The following CHCHD6 variants were observed in gnomAD, a reference collection of about 807,000 sequenced individuals.
CHCHD6 encodes coiled-coil-helix-coiled-coil-helix domain containing 6.
In CHCHD6, 28 loss-of-function variants were observed where a neutral mutation model predicts 32.3. That is an observed-to-expected ratio of 0.87 (90% confidence interval 0.64 to 1.19). CHCHD6 has a LOEUF of 1.19. Ranked by LOEUF, CHCHD6 falls within the 50% of genes most tolerant of loss-of-function variation. The pLI is 0.00. For missense variants in CHCHD6, 333 were observed against 307.0 expected (o/e 1.08, Z -0.63); for synonymous variants, 122 against 117.5 (o/e 1.04, Z -0.25).
intron 1 of CHCHD6, among the ~76,000 whole-genome samples, chr3:126,705,081 G>C (rs1461612398): frequency 6.6e-6 from 1 of 152,170 alleles, no homozygotes; most frequent in East Asian, 1.9e-4. Flanking sequence ...GCTCAGCTCA[G>C]GGTCTGTGCG....
chr3:126,788,174 C>G (rs1938323711), intron 4 of CHCHD6, among the ~76,000 whole-genome samples: 1 of 152,162 alleles, frequency 6.6e-6, no homozygotes, highest in Non-Finnish European at 1.5e-5. Flanking sequence ...AGGGATGAAG[C>G]CCACTTGATC....
intron 4 of CHCHD6, among the ~76,000 whole-genome samples, chr3:126,848,802 A>G (rs182336598): frequency 2.0e-5 from 3 of 152,316 alleles, no homozygotes; most frequent in Middle Eastern, 6.8e-3. Context: ...CCTTTGTCAT[A>G]TTGTCCTATA....
At position 126,729,824 on chromosome 3, in the gene CHCHD6, G is replaced by T. The variant is rs143161869; in HGVS notation, c.197-737G>T. On this transcript the variant is annotated intron_variant, in intron 2 of 7. Transcript: ENST00000290913. ...TGGCTGCTGGTGCATAGAACCCTGT[G>T]GTGGAGGGAGGTGTGGGACATCGGA... Among the ~76,000 whole-genome samples, 566 of 152,286 alleles carry T rather than the reference G, an allele frequency of 3.7e-3. 7 individuals carry two copies. The highest frequency in any genetic ancestry group is 0.013 in the African/African-American group (549 of 41,544).
intron 4 of CHCHD6, among the ~76,000 whole-genome samples, chr3:126,828,205 A>G (rs373416291): frequency 6.6e-6 from 1 of 152,140 alleles, no homozygotes; most frequent in African/African-American, 2.4e-5. Flanking sequence ...GGTTTCAGTT[A>G]TCTTCTGTAA....
intron 4 of CHCHD6, among the ~76,000 whole-genome samples, chr3:126,745,549 A>G (rs1453889693): frequency 1.3e-5 from 2 of 152,196 alleles, no homozygotes; most frequent in East Asian, 1.9e-4. Context: ...TAGAGTCTAA[A>G]GGATAGAAGT....
chr3:126,927,776 CT>C (rs1479574113), intron 6 of CHCHD6, among the ~76,000 whole-genome samples: 1 of 151,972 alleles, frequency 6.6e-6, no homozygotes, highest in East Asian at 1.9e-4. Flanking sequence ...ATCTTTTTTT[CT>C]TTTTTTAATC....
At chr3:126,805,301 C>G (rs1260329488) in intron 4 of CHCHD6, among the ~76,000 whole-genome samples, 2 of 152,002 alleles carry the variant, frequency 1.3e-5, no homozygotes, top group Non-Finnish European at 2.9e-5. Context: ...TCTAGAAAAC[C>G]CCATCATCTC....
chr3:126,906,917 G>A (rs1229207264), intron 5 of CHCHD6, among the ~76,000 whole-genome samples: 1 of 152,324 alleles, frequency 6.6e-6, no homozygotes, highest in East Asian at 1.9e-4. Flanking sequence ...CACAGCAGAC[G>A]CTGGAACAAA....
chr3:126,863,876 T>C (rs1242645500), intron 5 of CHCHD6, among the ~76,000 whole-genome samples: 45 of 92,802 alleles, frequency 4.8e-4, no homozygotes, highest in African/African-American at 5.8e-4. Flanking sequence ...TCCTCCACCA[T>C]CACCACCTCC....
At chr3:126,883,846 C>A (rs1198973024) in intron 5 of CHCHD6, among the ~76,000 whole-genome samples, 1 of 152,138 alleles carries the variant, frequency 6.6e-6, no homozygotes, top group African/African-American at 2.4e-5. Context: ...TAGAAAATAC[C>A]TTTTCAAAGC....
At chr3:126,930,740 C>G (rs1012401623) in intron 6 of CHCHD6, among the ~76,000 whole-genome samples, 2 of 152,186 alleles carry the variant, frequency 1.3e-5, no homozygotes, top group African/African-American at 4.8e-5. Flanking sequence ...AGTAAGGAAA[C>G]CTCTATCCAT....
chr3:126,762,825 G>A (rs1443338207), intron 4 of CHCHD6, among the ~76,000 whole-genome samples: 1 of 151,500 alleles, frequency 6.6e-6, no homozygotes, highest in South Asian at 2.1e-4. Context: ...ATCCTTTTTT[G>A]TTTCTTGTGA....
chr3:126,912,320 G>A (rs2078102326), intron 5 of CHCHD6, among the ~76,000 whole-genome samples: 1 of 152,188 alleles, frequency 6.6e-6, no homozygotes, highest in Non-Finnish European at 1.5e-5. Context: ...TTATGTCTCT[G>A]TCCCTACCGC....
chr3:126,902,559 A>G (rs570870196), intron 5 of CHCHD6, among the ~76,000 whole-genome samples: 13 of 152,132 alleles, frequency 8.5e-5, no homozygotes, highest in South Asian at 2.1e-4. Context: ...TACTAAAAAT[A>G]CAAAACAATT....
intron 4 of CHCHD6, among the ~76,000 whole-genome samples, chr3:126,751,021 G>A (rs1414266204): frequency 2.0e-5 from 3 of 152,162 alleles, no homozygotes; most frequent in African/African-American, 4.8e-5. Flanking sequence ...GGAGAGGAAC[G>A]GTGGTCTAAG....
chr3:126,882,104 G>C (rs571092921), intron 5 of CHCHD6, among the ~76,000 whole-genome samples: 1 of 152,172 alleles, frequency 6.6e-6, no homozygotes, highest in Admixed American at 6.5e-5. Context: ...ATCCTTCATA[G>C]CCCATAGTGT....
chr3:126,726,003 A>T (rs1325832146), intron 1 of CHCHD6, among the ~76,000 whole-genome samples: 1 of 152,170 alleles, frequency 6.6e-6, no homozygotes, highest in African/African-American at 2.4e-5. Context: ...CTTACCATTC[A>T]TGTGTTCACA....
intron 1 of CHCHD6, among the ~76,000 whole-genome samples, chr3:126,708,009 AG>A (rs1384824851): frequency 6.6e-6 from 1 of 152,236 alleles, no homozygotes; most frequent in Non-Finnish European, 1.5e-5. Context: ...GAAGAGACAC[AG>A]GCAAAAGACT....
At chr3:126,934,795 C>G (rs530828873) in intron 6 of CHCHD6, among the ~76,000 whole-genome samples, 7 of 152,056 alleles carry the variant, frequency 4.6e-5, no homozygotes, top group Non-Finnish European at 8.8e-5. Flanking sequence ...ATGATCCGCC[C>G]GCCTCGGCCT....
Sources: gnomAD v4.1 joint callset for allele counts (sites outside exome capture counted in the v4.1 genomes callset) on GRCh38, gnomAD v4.1.1 for gene constraint, MANE v1.5 for transcripts, NCBI Gene and HGNC (gene_info 2026-07-23, HGNC 2026-07-21) for gene names.